The following ADAP1 variants were observed in gnomAD, a reference collection of about 807,000 sequenced individuals.
ADAP1 encodes ArfGAP with dual PH domains 1, also known as arf-GAP with dual PH domain-containing protein 1.
ADAP1 carries 31 observed loss-of-function variants against 54.9 expected under a neutral mutation model. That is an observed-to-expected ratio of 0.56 (90% CI 0.42 to 0.76). ADAP1 has a LOEUF of 0.76. Ranked by LOEUF, ADAP1 falls within the 30% of genes least tolerant of loss-of-function variation. The pLI is 0.00. For missense variants in ADAP1, 535 were observed against 512.4 expected, an observed-to-expected ratio of 1.04 and a Z score of -0.42; for synonymous variants, 313 against 202.6, an observed-to-expected ratio of 1.55 and a Z score of -4.63.
chr7:916,588 G>A (rs556995356), intron 4 of ADAP1, among the ~76,000 whole-genome samples: 80 of 152,304 alleles, frequency 5.3e-4, no homozygotes, highest in African/African-American at 1.8e-3. Flanking sequence ...GTGGAGCGAG[G>A]GGTGTGCTGG....
At chr7:944,596 A>G (rs1668239283) in intron 1 of ADAP1, among the ~76,000 whole-genome samples, 1 of 152,114 alleles carries the variant, frequency 6.6e-6, no homozygotes, top group Admixed American at 6.5e-5. Flanking sequence ...TGGGTACATA[A>G]GAGGTGTATA....
rs1385929518 is a variant in ADAP1, at chr7:927,084, C to T, written c.214-440G>A. The T allele has an allele frequency of 3.1e-6, 4 of 1,301,778 alleles. No individual in the cohort carries two copies. The African/African-American group carries it at 6.1e-5, about 20-fold the overall frequency. The allele number at this position is 1,301,778 out of a possible 1,614,324, so 80.6% of individuals were successfully genotyped here. A position where few individuals can be genotyped will look rare whatever the true frequency, so the allele number is the denominator to read the frequency against. ...TAGCAAAGAGCCAACAGGCGCCAGA[C>T]ACGGGGGCCTGGAGATGGGCTGGTG... On this transcript the variant is annotated intron_variant, in intron 2 of 10. Transcript: ENST00000265846.
chr7:935,367 C>G lies in ADAP1; in HGVS notation c.213+8G>C. On this transcript the variant is annotated splice_region_variant and intron_variant, in intron 2 of 10. Transcript: ENST00000265846. ...TGCGCGGGTCCCCCCGCCCCTCCCC[C>G]TCCGTACCTCCACTTGGGCCTCCTC... is the stretch of plus-strand genomic sequence containing the variant. 39 of 1,555,268 alleles carry G rather than the reference C, an allele frequency of 2.5e-5. No individual in the cohort carries two copies. Among genetic ancestry groups the G allele is most frequent in the Non-Finnish European group, 3.3e-5 (38 of 1,149,684 alleles).
chr7:918,977 G>A (rs527579752), intron 4 of ADAP1, among the ~76,000 whole-genome samples: 309 of 152,044 alleles, frequency 2.0e-3, no homozygotes, highest in African/African-American at 6.5e-3. Flanking sequence ...GGCTTGGCCA[G>A]CTAAGCAGCA....
At chr7:943,307 GGA>G (rs1442687485) in intron 1 of ADAP1, among the ~76,000 whole-genome samples, 2 of 17,762 alleles carry the variant, frequency 1.1e-4, no homozygotes, top group East Asian at 2.2e-3. Context: ...GAGGACGAAG[GGA>G]GAGAGGAGGA....
At chr7:930,569 A>G (rs536574556) in intron 2 of ADAP1, among the ~76,000 whole-genome samples, 87 of 151,518 alleles carry the variant, frequency 5.7e-4, no homozygotes, top group African/African-American at 2.0e-3. Flanking sequence ...CTGTAATCCC[A>G]GAACTTTGGG....
intron 1 of ADAP1, among the ~76,000 whole-genome samples, chr7:951,919 G>A (rs892388845): frequency 3.9e-5 from 6 of 152,200 alleles, no homozygotes; most frequent in African/African-American, 1.4e-4. Flanking sequence ...CTCCGGCCTC[G>A]GCCTCCCAAA....
intron 3 of ADAP1, among the ~76,000 whole-genome samples, chr7:921,206 G>A (rs1006235306): frequency 6.6e-5 from 10 of 152,174 alleles, no homozygotes; most frequent in African/African-American, 2.4e-4. Context: ...CCTGGAAGCC[G>A]CCAGTGCCCC....
At chr7:929,344 G>T (rs1240860373) in intron 2 of ADAP1, among the ~76,000 whole-genome samples, 1 of 150,812 alleles carries the variant, frequency 6.6e-6, no homozygotes, top group Non-Finnish European at 1.5e-5. Context: ...CAACCCAGGC[G>T]ATCCTTGGAC....
At chr7:923,617 G>C (rs952567116) in intron 3 of ADAP1, among the ~76,000 whole-genome samples, 1 of 152,040 alleles carries the variant, frequency 6.6e-6, no homozygotes, top group African/African-American at 2.4e-5. Context: ...CTTATAGCTG[G>C]GCAAACTGAG....
At chr7:954,015 C>T (rs1375199637) in intron 1 of ADAP1, among the ~76,000 whole-genome samples, 1 of 152,194 alleles carries the variant, frequency 6.6e-6, no homozygotes, top group Non-Finnish European at 1.5e-5. Flanking sequence ...AGACCTCCGG[C>T]TGGCGGCCCG....
intron 1 of ADAP1, among the ~76,000 whole-genome samples, chr7:939,195 T>G (rs558053383): frequency 1.2e-3 from 182 of 152,334 alleles, no homozygotes; most frequent in Non-Finnish European, 2.0e-3. Context: ...TGATGGAGAC[T>G]CTACGGCCCT....
chr7:927,264 A>T (rs1218940532), intron 2 of ADAP1: 1 of 1,240,968 alleles, frequency 8.1e-7, no homozygotes, highest in Admixed American at 2.8e-5. Flanking sequence ...TCGTTCCAGG[A>T]GGCTCGTGCT....
intron 1 of ADAP1, among the ~76,000 whole-genome samples, chr7:948,635 C>T (rs1847199456): frequency 6.6e-6 from 1 of 152,158 alleles, no homozygotes; most frequent in South Asian, 2.1e-4. Context: ...GACCCACCTC[C>T]CAGCCCATAG....
chr7:922,860 A>T (rs997664724), intron 3 of ADAP1: 2 of 13,894 alleles, frequency 1.4e-4, no homozygotes, highest in African/African-American at 2.6e-4. Context: ...CACCCCCGCC[A>T]CCCCCGCCCC....
At chr7:947,116 T>G (rs964805690) in intron 1 of ADAP1, among the ~76,000 whole-genome samples, 9 of 151,958 alleles carry the variant, frequency 5.9e-5, no homozygotes, top group African/African-American at 1.9e-4. Context: ...CATGGTTCAC[T>G]GCAGCCTCGG....
At chr7:904,945 G>GT (rs1474723126) in intron 5 of ADAP1, 115 bp downstream of exon 5, 6 of 884,456 alleles carry the variant, frequency 6.8e-6, no homozygotes, top group African/African-American at 3.3e-5. Flanking sequence ...GTCCCCATCG[G>GT]GGGGGGCAGC....
intron 1 of ADAP1, among the ~76,000 whole-genome samples, chr7:941,679 T>C (rs1174007913): frequency 6.6e-6 from 1 of 152,226 alleles, no homozygotes; most frequent in Non-Finnish European, 1.5e-5. Context: ...GATAACGTTT[T>C]CGTGGGATGG....
intron 3 of ADAP1, among the ~76,000 whole-genome samples, chr7:925,144 C>T (rs76439553): frequency 0.022 from 3,313 of 152,122 alleles, 90 homozygotes; most frequent in East Asian, 0.12. Context: ...AGCACCTGGA[C>T]GGGGGCCTCG....
Sources: allele counts gnomAD v4.1 joint callset (sites outside exome capture counted in the v4.1 genomes callset), GRCh38; gene constraint gnomAD v4.1.1; transcripts MANE v1.5; gene names NCBI Gene and HGNC (gene_info 2026-07-23, HGNC 2026-07-21).